The following C10orf90 variants were observed in gnomAD, a reference collection of about 807,000 sequenced individuals.
The protein encoded by C10orf90 is (E2-independent) E3 ubiquitin-conjugating enzyme FATS.
Under a neutral mutation model 62.5 loss-of-function variants are expected in C10orf90, and 56 were observed. The ratio of observed to expected loss-of-function variants is 0.90; its 90% CI spans 0.72 to 1.12. The LOEUF (loss-of-function observed/expected upper bound fraction) is 1.12. Among genes scored for constraint, C10orf90 ranks in the 50% most tolerant of loss-of-function variants. The pLI is 0.00. For missense variants in C10orf90, 970 were observed against 880.4 expected, an observed-to-expected ratio of 1.10 and a Z score of -1.29; for synonymous variants, 386 against 340.4, an observed-to-expected ratio of 1.13 and a Z score of -1.47.
At chr10:126,426,331 C>T (rs1857263853) in intron 8 of C10orf90, among the ~76,000 whole-genome samples, 1 of 152,222 alleles carries the variant, frequency 6.6e-6, no homozygotes, top group Non-Finnish European at 1.5e-5. Flanking sequence ...GGCAGAGTCC[C>T]ACCAGGGGCA....
At chr10:126,635,673 CA>C (rs1845936815) in intron 2 of C10orf90, among the ~76,000 whole-genome samples, 1 of 152,162 alleles carries the variant, frequency 6.6e-6, no homozygotes, top group African/African-American at 2.4e-5. Context: ...CAGTAGTTTT[CA>C]AATCATGTTT....
rs116502542 is a variant in C10orf90 at position 126,545,116 on chromosome 10, G to A, written c.314-31177C>T. 3.8e-3 allele frequency among the ~76,000 whole-genome samples: 581 copies of A among 152,172 alleles called. 6 individuals carry two copies. The highest frequency in any genetic ancestry group is 0.013 in the African/African-American group (526 of 41,532). ...TGCAGGTCATGCGTAATGCACCCCC[G>A]CTTCCCATGCCCTCCTAACACCCTT... On this transcript the variant is annotated intron_variant, in intron 2 of 9. Transcript: ENST00000488181.
chr10:126,504,101 G>A lies in C10orf90; in HGVS notation c.1390C>T (p.Pro464Ser), dbSNP rs1267059182. Residue 464 changes from proline to serine, a missense_variant, in exon 4 of 10, where the codon CCA becomes TCA. Pro to Ser is a moderately conservative substitution (Grantham distance 74). Coordinates refer to ENST00000488181, the MANE Select transcript of C10orf90 (RefSeq NM_001350921.2). The surrounding 1 kb of genome is among the most constrained non-coding windows in gnomAD (Gnocchi z 4.1). ...TTTGCCAATTCTGTGTTTTCCAATG[G>A]AAAAGAACCACTCCAAGGACAAGCG... ...TGACPWSGSFPLENTELANVG... is the reference protein window; with the variant it reads ...TGACPWSGSFSLENTELANVG... 2.5e-6 allele frequency: 4 copies of A among 1,613,996 alleles called. No individual in the cohort carries two copies. The highest frequency in any genetic ancestry group is 1.7e-5 in the Admixed American group (1 of 59,996).
intron 2 of C10orf90, among the ~76,000 whole-genome samples, chr10:126,556,411 AG>A (rs1310174278): frequency 6.6e-6 from 1 of 152,216 alleles, no homozygotes; most frequent in East Asian, 1.9e-4. Context: ...AGATATTTTC[AG>A]ATGCTGTTCT....
chr10:126,587,260 T>G (rs1474340856), intron 2 of C10orf90, among the ~76,000 whole-genome samples: 1 of 152,236 alleles, frequency 6.6e-6, no homozygotes, highest in Non-Finnish European at 1.5e-5. Context: ...CTTTGCCACA[T>G]CCTATGAAAT....
At chr10:126,565,288 T>G (rs1359797073) in intron 2 of C10orf90, among the ~76,000 whole-genome samples, 1 of 66,110 alleles carries the variant, frequency 1.5e-5, no homozygotes, top group Non-Finnish European at 2.7e-5. Flanking sequence ...TATTATATAT[T>G]ATATATTTAT....
chr10:126,442,351 G>A (rs1858394063), intron 7 of C10orf90, among the ~76,000 whole-genome samples: 1 of 148,542 alleles, frequency 6.7e-6, no homozygotes, highest in African/African-American at 2.5e-5. Context: ...CCAATTTTAG[G>A]AAAATATCAC....
chr10:126,601,855 C>T (rs1427921877), intron 2 of C10orf90, among the ~76,000 whole-genome samples: 3 of 152,258 alleles, frequency 2.0e-5, no homozygotes, highest in African/African-American at 4.8e-5. Flanking sequence ...CCTGCCTGTG[C>T]TTGCCCACTT....
chr10:126,579,228 C>T (rs1844692399), intron 2 of C10orf90, among the ~76,000 whole-genome samples: 1 of 151,632 alleles, frequency 6.6e-6, no homozygotes, highest in South Asian at 2.1e-4. Flanking sequence ...AGCAAGATTT[C>T]CTTCTGCAAG....
chr10:126,606,994 G>T (rs1039439610), intron 2 of C10orf90, among the ~76,000 whole-genome samples: 1 of 152,170 alleles, frequency 6.6e-6, no homozygotes, highest in African/African-American at 2.4e-5. Context: ...GGATTTCCAT[G>T]ATCCTTAAGA....
chr10:126,532,303 C>T (rs1864115054), intron 2 of C10orf90, among the ~76,000 whole-genome samples: 1 of 152,138 alleles, frequency 6.6e-6, no homozygotes, highest in Admixed American at 6.5e-5. Flanking sequence ...ACTGTCTCCT[C>T]ATTGTAAATG....
chr10:126,480,957 G>C (rs2133802648), intron 4 of C10orf90, among the ~76,000 whole-genome samples: 1 of 152,184 alleles, frequency 6.6e-6, no homozygotes, highest in Middle Eastern at 3.4e-3. Context: ...TCCTCCTGGT[G>C]TGATCGGGCC....
At chr10:126,520,224 AG>A (rs1332678355) in intron 2 of C10orf90, 1 of 152,270 alleles carries the variant, frequency 6.6e-6, no homozygotes, top group African/African-American at 2.4e-5. Context: ...GGTGTCAGCA[AG>A]GTCACAATCA....
intron 2 of C10orf90, among the ~76,000 whole-genome samples, chr10:126,545,790 A>C (rs1263159968): frequency 6.6e-6 from 1 of 152,008 alleles, no homozygotes; most frequent in African/African-American, 2.4e-5. Context: ...AACCCAGTTT[A>C]GGTGTTGGAA....
At chr10:126,585,567 AAGAG>A (rs1334268991) in intron 2 of C10orf90, among the ~76,000 whole-genome samples, 3 of 146,656 alleles carry the variant, frequency 2.0e-5, no homozygotes, top group Non-Finnish European at 4.5e-5. Context: ...GAGCAGGAGA[AAGAG>A]AGGAAGGAAG....
At chr10:126,531,584 TG>T in intron 2 of C10orf90, among the ~76,000 whole-genome samples, 1 of 152,328 alleles carries the variant, frequency 6.6e-6, no homozygotes, top group South Asian at 2.1e-4. Context: ...GATATTCCAC[TG>T]AAGAATAATA....
At chr10:126,541,747 A>G (rs1251766270) in intron 2 of C10orf90, among the ~76,000 whole-genome samples, 1 of 152,242 alleles carries the variant, frequency 6.6e-6, no homozygotes, top group East Asian at 1.9e-4. Flanking sequence ...TCCGTTGCCA[A>G]TGGGAATGTA....
chr10:126,507,834 A>C (rs1173202651), intron 3 of C10orf90, among the ~76,000 whole-genome samples: 1 of 152,140 alleles, frequency 6.6e-6, no homozygotes, highest in Non-Finnish European at 1.5e-5. Flanking sequence ...TTTCTGCGGC[A>C]CCCTGAATCC....
In C10orf90 at chr10:126,642,594, A is replaced by C. The variant is rs569849947; in HGVS notation, c.313+3971T>G. Among the ~76,000 whole-genome samples, 508 of 151,780 alleles carry C rather than the reference A, an allele frequency of 3.3e-3. 3 individuals carry two copies. Among genetic ancestry groups the C allele is most frequent in the African/African-American group, 0.012 (496 of 41,364 alleles). The stretch of plus-strand genomic sequence containing the variant: ...TTTTCAGGACAGTGCTCCTCTTCCC[A>C]CCCCACACATGTGGCTCCTCCTGGT... On this transcript the variant is annotated intron_variant, in intron 2 of 9. Coordinates refer to ENST00000488181, the MANE Select transcript of C10orf90 (RefSeq NM_001350921.2).
Sources: allele counts gnomAD v4.1 joint callset (sites outside exome capture counted in the v4.1 genomes callset), GRCh38; gene constraint gnomAD v4.1.1; non-coding constraint Gnocchi (gnomAD v3.1); transcripts MANE v1.5; gene names NCBI Gene and HGNC (gene_info 2026-07-23, HGNC 2026-07-21).